ZSCAN5A: variants seen among roughly 807,000 people sequenced by gnomAD.
The protein encoded by ZSCAN5A is zinc finger and SCAN domain-containing protein 5A.
Under a neutral mutation model 23.7 loss-of-function variants are expected in ZSCAN5A, and 12 were observed. The observed-to-expected ratio is 0.51, with a 90% confidence interval of 0.32 to 0.82. ZSCAN5A has a LOEUF of 0.82. Among genes scored for constraint, ZSCAN5A ranks in the 40% least tolerant of loss-of-function variants. The probability of loss-of-function intolerance (pLI) is 0.03; values close to 1 mark genes in which losing one functional copy is unlikely to be tolerated. For synonymous variants in ZSCAN5A, 257 were observed against 239.9 expected (o/e 1.07, Z -0.66); for missense variants, 597 against 617.9 (o/e 0.97, Z 0.36).
chr19:56,323,913 A>G (rs1446736879), intron 2 of ZSCAN5A, among the ~76,000 whole-genome samples: 1 of 152,118 alleles, frequency 6.6e-6, no homozygotes, highest in Non-Finnish European at 1.5e-5. Flanking sequence ...CATGCATACA[A>G]TGTCTAATGA....
intron 2 of ZSCAN5A, among the ~76,000 whole-genome samples, chr19:56,299,444 TA>T (rs57347831): frequency 1.3e-3 from 181 of 143,044 alleles, no homozygotes; most frequent in Admixed American, 1.4e-3. Flanking sequence ...TGTTCATGAT[TA>T]AAAAAAAAAA....
intron 2 of ZSCAN5A, among the ~76,000 whole-genome samples, chr19:56,341,912 A>G (rs146714384): frequency 1.3e-5 from 2 of 152,230 alleles, no homozygotes; most frequent in East Asian, 3.9e-4. Flanking sequence ...AAAGGGAGAG[A>G]AAACCAAAAC....
At chr19:56,234,656 C>T (rs569022580) in intron 2 of ZSCAN5A, among the ~76,000 whole-genome samples, 23 of 152,180 alleles carry the variant, frequency 1.5e-4, no homozygotes, top group Non-Finnish European at 2.6e-4. Flanking sequence ...TATAGAACAA[C>T]ATTGTGAAAC....
chr19:56,223,758 A>G lies in ZSCAN5A; in HGVS notation c.461T>C (p.Val154Ala). 6.2e-7 allele frequency: 1 copy of G among 1,613,692 alleles called. No individual in the cohort carries two copies. The highest frequency in any genetic ancestry group is 1.1e-5 in the South Asian group (1 of 91,046). ...GGACACGTCTTTCAGATCATCTCTG[A>G]CACTGGAGGGGGCTTCAGCCATCTC... is the stretch of plus-strand genomic sequence containing the variant. ...DIEMAEAPSS[V>A]RDDLKDVSSQ... Residue 154 changes from valine to alanine, a missense_variant, in exon 4 of 6, where the codon GTC becomes GCC. Transcript: ENST00000683990.
At chr19:56,248,227 A>G (rs963861938) in intron 2 of ZSCAN5A, among the ~76,000 whole-genome samples, 6 of 151,950 alleles carry the variant, frequency 3.9e-5, no homozygotes, top group African/African-American at 1.2e-4. Flanking sequence ...TCTATTGGGT[A>G]TCCTGTATTG....
At chr19:56,311,847 C>T (rs2041057526) in intron 2 of ZSCAN5A, 1 of 152,092 alleles carries the variant, frequency 6.6e-6, no homozygotes, top group Non-Finnish European at 1.5e-5. Context: ...CCCGACAGGC[C>T]CCAGTGCGTG....
chr19:56,344,085 C>G (rs1382705397), intron 2 of ZSCAN5A, among the ~76,000 whole-genome samples: 3 of 152,180 alleles, frequency 2.0e-5, no homozygotes, highest in Admixed American at 2.0e-4. Flanking sequence ...ATAACTGAGA[C>G]AATAACAAAG....
intron 2 of ZSCAN5A, among the ~76,000 whole-genome samples, chr19:56,331,877 C>T (rs781579760): frequency 2.0e-5 from 3 of 151,942 alleles, no homozygotes; most frequent in Non-Finnish European, 2.9e-5. Context: ...TGAGCCACTG[C>T]GCCCAGCCTA....
At chr19:56,238,068 A>ACACG (rs1491263409) in intron 2 of ZSCAN5A, among the ~76,000 whole-genome samples, 2 of 5,470 alleles carry the variant, frequency 3.7e-4, no homozygotes, top group African/African-American at 6.8e-4. Flanking sequence ...CTAGTCCCCT[A>ACACG]GACACACACA....
chr19:56,326,674 C>T (rs2041437551), intron 2 of ZSCAN5A, among the ~76,000 whole-genome samples: 1 of 152,156 alleles, frequency 6.6e-6, no homozygotes, highest in Non-Finnish European at 1.5e-5. Context: ...CACCCCCACC[C>T]ACACATGCTC....
intron 1 of ZSCAN5A, 95 bp downstream of exon 1, chr19:56,314,586 C>G (rs2041251858): frequency 6.6e-6 from 1 of 152,342 alleles, no homozygotes; most frequent in Admixed American, 6.5e-5. Context: ...CGTCCCCGCC[C>G]CAGGCGCATG....
At chr19:56,334,509 T>C (rs1406830235) in intron 2 of ZSCAN5A, among the ~76,000 whole-genome samples, 2 of 152,212 alleles carry the variant, frequency 1.3e-5, no homozygotes, top group Non-Finnish European at 2.9e-5. Flanking sequence ...TGTTTATGGG[T>C]TACATGAAAT....
At chr19:56,246,580 C>T (rs967601489) in intron 2 of ZSCAN5A, 11 of 660,716 alleles carry the variant, frequency 1.7e-5, no homozygotes, top group African/African-American at 1.3e-4. Flanking sequence ...CAAAGCCTCT[C>T]CATCCCTTAC....
At position 56,249,396 on chromosome 19, in the gene ZSCAN5A, T is replaced by C. The variant is rs939458075; in HGVS notation, c.-127-24223A>G. ...AAGCAATTCACTTGCCTCAGCCTTC[T>C]GAGTAGCTGCAATTACAGGTGTGCC... is the stretch of plus-strand genomic sequence containing the variant. On this transcript the variant is annotated intron_variant, in intron 2 of 5. Coordinates refer to ENST00000683990, the MANE Select transcript of ZSCAN5A (RefSeq NM_001322064.3). Among the ~76,000 whole-genome samples the C allele has an allele frequency of 2.0e-5, 3 of 152,288 alleles. No individual in the cohort carries two copies. In the South Asian group the frequency reaches 6.2e-4, roughly 32 times the overall value.
chr19:56,238,044 C>A (rs1471890091), intron 2 of ZSCAN5A, among the ~76,000 whole-genome samples: 1 of 10,028 alleles, frequency 1.0e-4, no homozygotes, highest in Non-Finnish European at 2.0e-4. Flanking sequence ...AGCCAGGAGT[C>A]GTGGCATATG....
intron 2 of ZSCAN5A, among the ~76,000 whole-genome samples, chr19:56,270,544 A>T (rs943990823): frequency 3.3e-5 from 5 of 152,222 alleles, no homozygotes; most frequent in Non-Finnish European, 5.9e-5. Flanking sequence ...GAGCCAGCTT[A>T]TGAGGGTCAA....
chr19:56,324,430 A>G (rs111958751), intron 2 of ZSCAN5A, among the ~76,000 whole-genome samples: 2,806 of 152,272 alleles, frequency 0.018, 90 homozygotes, highest in African/African-American at 0.065. Flanking sequence ...CAAAACCACA[A>G]TGAGAAATTA....
At chr19:56,284,387 C>T (rs2038944378) in intron 2 of ZSCAN5A, among the ~76,000 whole-genome samples, 1 of 151,992 alleles carries the variant, frequency 6.6e-6, no homozygotes, top group Admixed American at 6.6e-5. Context: ...TGTGCCTGGA[C>T]TCATGCTTGG....
chr19:56,292,461 T>A (rs1033355805), intron 2 of ZSCAN5A, among the ~76,000 whole-genome samples: 1 of 151,546 alleles, frequency 6.6e-6, no homozygotes, highest in Non-Finnish European at 1.5e-5. Context: ...GTTTTTACTT[T>A]TTTTTTTTTT....
Sources: gnomAD v4.1 joint callset for allele counts (sites outside exome capture counted in the v4.1 genomes callset) on GRCh38, gnomAD v4.1.1 for gene constraint, MANE v1.5 for transcripts, NCBI Gene and HGNC (gene_info 2026-07-23, HGNC 2026-07-21) for gene names.